Variants in MYH11 observed in about 807,000 individuals in gnomAD.
MYH11 encodes the protein myosin heavy chain 11.
Under a neutral mutation model 246.6 loss-of-function variants are expected in MYH11, and 80 were observed. That is an observed-to-expected ratio of 0.32 (90% CI 0.27 to 0.39). The LOEUF (loss-of-function observed/expected upper bound fraction) is 0.39, where lower values mean the gene tolerates loss of function less well. MYH11 is among the 10% of genes least tolerant of loss of function. The pLI is 1.00. For missense variants in MYH11, 2,158 were observed against 2,546.8 expected (o/e 0.85, Z 3.29); for synonymous variants, 1,071 against 1,015.5 (o/e 1.05, Z -1.04).
intron 5 of MYH11, chr16:15,786,038 G>A (rs957168819): frequency 2.4e-5 from 6 of 246,898 alleles, no homozygotes; most frequent in African/African-American, 1.1e-4. Flanking sequence ...CGGGCCGAGT[G>A]ATACCAGCAT....
rs80100658 is a variant in MYH11, at chr16:15,751,309, G to A, written c.1865-978C>T. Among the ~76,000 whole-genome samples the A allele has an allele frequency of 0.015, 2,227 of 151,660 alleles. 76 individuals carry two copies. The East Asian group carries it at 0.16, about 11-fold the overall frequency. On this transcript the variant is annotated intron_variant, in intron 15 of 40. Coordinates refer to ENST00000300036, the MANE Select transcript of MYH11 (RefSeq NM_002474.3). Reference sequence around the variant, plus strand: ...CCAGTAGCTGGGATTACAGGCATGCGCCACCACGCCCGGCTCATTTTTTTT... The same window carrying A: ...CCAGTAGCTGGGATTACAGGCATGCACCACCACGCCCGGCTCATTTTTTTT...
At chr16:15,743,070 T>C (rs1275229621) in intron 20 of MYH11, among the ~76,000 whole-genome samples, 1 of 151,688 alleles carries the variant, frequency 6.6e-6, no homozygotes, top group Non-Finnish European at 1.5e-5. Context: ...AAACATTCCA[T>C]TGATAGATGA....
intron 30 of MYH11, 78 bp from the exon 31 acceptor site, chr16:15,724,487 A>C: frequency 1.2e-6 from 2 of 1,609,132 alleles, no homozygotes; most frequent in Non-Finnish European, 1.7e-6. Flanking sequence ...GACTCTGAGA[A>C]GCGAAGACCA....
intron 1 of MYH11, among the ~76,000 whole-genome samples, chr16:15,844,042 T>A (rs896497379): frequency 4.6e-5 from 7 of 152,130 alleles, no homozygotes; most frequent in Non-Finnish European, 8.8e-5. Flanking sequence ...AAACATTACA[T>A]GCCTGCAGAT....
chr16:15,744,979 G>A (rs1489721334), intron 20 of MYH11, 150 bp downstream of exon 20: 13 of 688,816 alleles, frequency 1.9e-5, no homozygotes, highest in East Asian at 1.3e-4. Context: ...GGGCCTCCTC[G>A]GGCCAGAGAA....
chr16:15,724,489 C>T (rs7196012), intron 30 of MYH11, 80 bp from the exon 31 acceptor site: 25 of 1,608,568 alleles, frequency 1.6e-5, no homozygotes, highest in South Asian at 1.4e-4. Context: ...CTCTGAGAAG[C>T]GAAGACCATG....
At chr16:15,809,365 C>T (rs1226319304) in intron 3 of MYH11, among the ~76,000 whole-genome samples, 2 of 151,952 alleles carry the variant, frequency 1.3e-5, no homozygotes, top group South Asian at 4.2e-4. Flanking sequence ...GACCTCATCT[C>T]TACAAAAAAT....
intron 9 of MYH11, among the ~76,000 whole-genome samples, chr16:15,767,949 T>A (rs78854942): frequency 4.7e-4 from 72 of 151,854 alleles, no homozygotes; most frequent in Admixed American, 1.3e-3. Flanking sequence ...TTTTTTTTTT[T>A]AAATTTTTAG....
At chr16:15,752,072 G>A (rs749935862) in intron 15 of MYH11, among the ~76,000 whole-genome samples, 3 of 151,986 alleles carry the variant, frequency 2.0e-5, no homozygotes, top group Non-Finnish European at 4.4e-5. Flanking sequence ...GATTACAGGT[G>A]TGAGCCACCA....
intron 27 of MYH11, among the ~76,000 whole-genome samples, chr16:15,728,405 CAG>C (rs1208918082): frequency 5.3e-5 from 8 of 152,164 alleles, no homozygotes; most frequent in African/African-American, 1.2e-4. Context: ...GATCTGGAAA[CAG>C]AGGGTCTTGC....
intron 3 of MYH11, among the ~76,000 whole-genome samples, chr16:15,803,732 G>A (rs1422750510): frequency 6.6e-6 from 1 of 152,168 alleles, no homozygotes. Context: ...GGCTTTCCTG[G>A]CAGCCTTGTG....
At chr16:15,740,254 G>A (rs1328768470) in intron 22 of MYH11, 66 bp from the exon 23 acceptor site, 8 of 1,609,608 alleles carry the variant, frequency 5.0e-6, no homozygotes, top group Non-Finnish European at 6.8e-6. Context: ...GGTGATCTGG[G>A]GACTAATGAA....
intron 4 of MYH11, among the ~76,000 whole-genome samples, chr16:15,796,419 G>GTGCATAGC (rs2042743967): frequency 6.6e-6 from 1 of 152,122 alleles, no homozygotes; most frequent in Non-Finnish European, 1.5e-5. Flanking sequence ...CAAGTGACCC[G>GTGCATAGC]TGCATAGCTA....
At chr16:15,832,695 G>T (rs2043772211) in intron 2 of MYH11, among the ~76,000 whole-genome samples, 1 of 152,134 alleles carries the variant, frequency 6.6e-6, no homozygotes, top group Non-Finnish European at 1.5e-5. Context: ...ATAATAAAAG[G>T]TTCAATTCCT....
chr16:15,718,572 A>G, intron 36 of MYH11, 134 bp from the exon 37 acceptor site: 1 of 1,321,538 alleles, frequency 7.6e-7, no homozygotes, highest in Non-Finnish European at 1.0e-6. Flanking sequence ...GAAGATTAGA[A>G]GACTCATCTG....
At chr16:15,733,251 G>C (rs556873960) in intron 26 of MYH11, among the ~76,000 whole-genome samples, 11 of 152,270 alleles carry the variant, frequency 7.2e-5, no homozygotes, top group African/African-American at 2.6e-4. Context: ...GTTTGTTTTT[G>C]AGATGGAGTT....
intron 37 of MYH11, chr16:15,717,763 TC>T (rs2040240516): frequency 3.4e-6 from 1 of 291,382 alleles, no homozygotes; most frequent in Admixed American, 4.8e-5. Context: ...GCCACTGCAC[TC>T]CAGCCTGGGC....
intron 1 of MYH11, among the ~76,000 whole-genome samples, chr16:15,846,828 C>T (rs1157146383): frequency 6.6e-6 from 1 of 152,136 alleles, no homozygotes; most frequent in Non-Finnish European, 1.5e-5. Context: ...ATAGTGTGCA[C>T]CTGCAGTCCC....
At chr16:15,835,902 G>A (rs577161052) in intron 2 of MYH11, among the ~76,000 whole-genome samples, 10 of 151,680 alleles carry the variant, frequency 6.6e-5, no homozygotes, top group Middle Eastern at 3.4e-3. Flanking sequence ...TTATGAGTAC[G>A]CACCACTGCA....
Sources: gnomAD v4.1 joint callset for allele counts (sites outside exome capture counted in the v4.1 genomes callset) on GRCh38, gnomAD v4.1.1 for gene constraint, MANE v1.5 for transcripts, NCBI Gene and HGNC (gene_info 2026-07-23, HGNC 2026-07-21) for gene names.